Variants in KLF12 observed in about 807,000 individuals in gnomAD.
The protein encoded by KLF12 is KLF transcription factor 12, also known as Krueppel-like factor 12.
Under a neutral mutation model 37.8 loss-of-function variants are expected in KLF12, and 9 were observed. The ratio of observed to expected loss-of-function variants is 0.24; its 90% CI spans 0.14 to 0.42. The LOEUF (loss-of-function observed/expected upper bound fraction) is 0.42, where lower values mean the gene tolerates loss of function less well. KLF12 is among the 10% of genes least tolerant of loss of function. The pLI is 1.00. For synonymous variants in KLF12, 208 were observed against 202.1 expected, an observed-to-expected ratio of 1.03 and a Z score of -0.25; for missense variants, 411 against 516.0, an observed-to-expected ratio of 0.80 and a Z score of 1.97.
chr13:74,148,962 C>A, the KLF12 span, among the ~76,000 whole-genome samples: 2 of 152,134 alleles, frequency 1.3e-5, no homozygotes, highest in African/African-American at 4.8e-5. Context: ...TTACAGGCAC[C>A]TGCCACCAGG....
chr13:73,759,030 A>G lies in KLF12; in HGVS notation c.869+5908T>C, dbSNP rs1234259140. On this transcript the variant is annotated intron_variant, in intron 6 of 7. Transcript: ENST00000377669. ...AGGTGATACTGCATTATAGCCAAGA[A>G]AAGATGAGAATTTGGAGGGATTTAA... Among the ~76,000 whole-genome samples the G allele has an allele frequency of 2.0e-5, 3 of 152,340 alleles. No individual in the cohort carries two copies. The East Asian group carries it at 5.8e-4, about 29-fold the overall frequency.
intron 3 of KLF12, among the ~76,000 whole-genome samples, chr13:73,909,128 T>G (rs1264497902): frequency 6.6e-6 from 1 of 152,170 alleles, no homozygotes; most frequent in East Asian, 1.9e-4. Context: ...ACATAAGATC[T>G]TTCAGATAAT....
the KLF12 span, among the ~76,000 whole-genome samples, chr13:74,250,631 G>C: frequency 6.6e-6 from 1 of 152,130 alleles, no homozygotes; most frequent in Non-Finnish European, 1.5e-5. Flanking sequence ...CAGCAATTCT[G>C]TGCTACATCT....
chr13:73,860,662 T>C (rs1171704989), intron 3 of KLF12, among the ~76,000 whole-genome samples: 1 of 152,170 alleles, frequency 6.6e-6, no homozygotes, highest in Admixed American at 6.5e-5. Flanking sequence ...AAGGATCACT[T>C]GAGCCCAGAA....
In KLF12 at chr13:73,721,129, C is replaced by A. The variant is rs542929087; in HGVS notation, c.870-5604G>T. Among the ~76,000 whole-genome samples, 3 of 152,186 alleles carry A rather than the reference C, an allele frequency of 2.0e-5. No homozygotes were observed. The East Asian group carries it at 5.8e-4, about 29-fold the overall frequency. ...TCAGAGCAACCCTCTGAGATTGACA[C>A]TACTATCCCTGTACACTGTATCCCT... On this transcript the variant is annotated intron_variant, in intron 6 of 7. Coordinates refer to ENST00000377669, the MANE Select transcript of KLF12 (RefSeq NM_007249.5).
chr13:74,199,602 A>G, the KLF12 span, among the ~76,000 whole-genome samples: 1 of 152,214 alleles, frequency 6.6e-6, no homozygotes, highest in African/African-American at 2.4e-5. Flanking sequence ...CAGGACCTGT[A>G]GAGGCTCTCT....
chr13:73,781,474 A>G (rs982639062), intron 5 of KLF12, among the ~76,000 whole-genome samples: 2 of 152,240 alleles, frequency 1.3e-5, no homozygotes, highest in African/African-American at 4.8e-5. Flanking sequence ...ATGGCTATAA[A>G]ATAGATTTAA....
intron 3 of KLF12, among the ~76,000 whole-genome samples, chr13:73,905,078 T>C (rs1460127622): frequency 2.0e-5 from 3 of 152,200 alleles, no homozygotes; most frequent in African/African-American, 7.2e-5. Flanking sequence ...TAAAGACCTA[T>C]TACACAAGAG....
At position 73,868,904 on chromosome 13, in the gene KLF12, C is replaced by T. The variant is rs1886331537; in HGVS notation, c.124-22531G>A. 3.3e-5 allele frequency among the ~76,000 whole-genome samples: 5 copies of T among 152,162 alleles called. No individual in the cohort carries two copies. The South Asian group carries it at 1.0e-3, about 32-fold the overall frequency. ...TGGCATACTTGTTATCAAAACCTGCCTAAATTTACAAATTGGCAAAACAAA... is the reference window on the plus strand; with the variant it reads ...TGGCATACTTGTTATCAAAACCTGCTTAAATTTACAAATTGGCAAAACAAA... On this transcript the variant is annotated intron_variant, in intron 3 of 7. Coordinates refer to ENST00000377669, the MANE Select transcript of KLF12 (RefSeq NM_007249.5).
At chr13:74,063,133 G>A (rs938365873) in intron 1 of KLF12, among the ~76,000 whole-genome samples, 7 of 152,184 alleles carry the variant, frequency 4.6e-5, no homozygotes, top group Non-Finnish European at 7.3e-5. Flanking sequence ...AATAGCTCAG[G>A]CTTGATGACT....
At chr13:74,122,438 A>T (rs1211350085) in intron 1 of KLF12, among the ~76,000 whole-genome samples, 3 of 152,100 alleles carry the variant, frequency 2.0e-5, no homozygotes, top group African/African-American at 7.2e-5. Flanking sequence ...GGGAGAGCGT[A>T]TTTGCCTGCA....
intron 5 of KLF12, among the ~76,000 whole-genome samples, chr13:73,777,206 G>A (rs1022898292): frequency 6.6e-6 from 1 of 152,200 alleles, no homozygotes; most frequent in Non-Finnish European, 1.5e-5. Flanking sequence ...CCAGGTATAT[G>A]AGTGAAGAAA....
chr13:74,198,016 G>A, the KLF12 span, among the ~76,000 whole-genome samples: 13 of 151,440 alleles, frequency 8.6e-5, no homozygotes, highest in Non-Finnish European at 1.9e-4. Context: ...AACAAAAGGA[G>A]AGAAGAGAAA....
chr13:73,846,347 A>T lies in KLF12; in HGVS notation c.150T>A (p.Asp50Glu). 6.2e-7 allele frequency: 1 copy of T among 1,613,482 alleles called. No homozygotes were observed. The highest frequency in any genetic ancestry group is 2.2e-5 in the East Asian group (1 of 44,884). The change falls in exon 4 of 8, where the codon GAT (aspartate) becomes GAA (glutamate). Residue 50 changes from aspartate to glutamate, a missense_variant. Physicochemically the swap from Asp to Glu is conservative, Grantham distance 45 (BLOSUM62 2). Coordinates refer to ENST00000377669, the MANE Select transcript of KLF12 (RefSeq NM_007249.5). Reference sequence around the variant, plus strand: ...TTAGCAACAGGGGAACGGCTTCCATATCGGGATAGTTGTGGACGTTTGGAG... The same window carrying T: ...TTAGCAACAGGGGAACGGCTTCCATTTCGGGATAGTTGTGGACGTTTGGAG...
At chr13:74,303,600 A>T in the KLF12 span, among the ~76,000 whole-genome samples, 11 of 152,278 alleles carry the variant, frequency 7.2e-5, no homozygotes, top group East Asian at 9.7e-4. Context: ...GAAATATTTA[A>T]AAAGAGATTG....
chr13:73,982,005 T>C lies in KLF12; in HGVS notation c.33+12985A>G, dbSNP rs561877160. 3.5e-4 allele frequency among the ~76,000 whole-genome samples: 54 copies of C among 152,358 alleles called. No individual in the cohort carries two copies. The East Asian group carries it at 0.01, about 29-fold the overall frequency. On this transcript the variant is annotated intron_variant, in intron 2 of 7. Transcript: ENST00000377669. The stretch of plus-strand genomic sequence containing the variant: ...TTTAAGTTAGGTTTCTCTGTTATCA[T>C]GGCTTACAACTTACACAGTCAATAC...
At chr13:73,724,340 G>A (rs1020463488) in intron 6 of KLF12, among the ~76,000 whole-genome samples, 3 of 152,174 alleles carry the variant, frequency 2.0e-5, no homozygotes, top group Admixed American at 6.5e-5. Context: ...GTTGAACAAT[G>A]AGAACACATA....
chr13:73,754,336 C>T (rs1878997006), intron 6 of KLF12, among the ~76,000 whole-genome samples: 1 of 152,136 alleles, frequency 6.6e-6, no homozygotes, highest in Non-Finnish European at 1.5e-5. Context: ...GAGACTGGTG[C>T]TGCTACGTTT....
chr13:73,911,598 C>A (rs1184450596), intron 3 of KLF12, among the ~76,000 whole-genome samples: 1 of 152,134 alleles, frequency 6.6e-6, no homozygotes, highest in African/African-American at 2.4e-5. Context: ...CAGAAAGGTT[C>A]TTGAATAAAT....
Sources: allele counts gnomAD v4.1 joint callset (sites outside exome capture counted in the v4.1 genomes callset), GRCh38; gene constraint gnomAD v4.1.1; transcripts MANE v1.5; gene names NCBI Gene and HGNC (gene_info 2026-07-23, HGNC 2026-07-21).